The following KAZN variants were observed in gnomAD, a reference collection of about 807,000 sequenced individuals.
KAZN encodes kazrin.
Under a neutral mutation model 87.4 loss-of-function variants are expected in KAZN, and 40 were observed. That is an observed-to-expected ratio of 0.46 (90% CI 0.36 to 0.60). The LOEUF (loss-of-function observed/expected upper bound fraction) is 0.60, where lower values mean the gene tolerates loss of function less well. Ranked by LOEUF, KAZN falls within the 20% of genes least tolerant of loss-of-function variation. The pLI is 0.00. For missense variants in KAZN, 898 were observed against 1,073.9 expected, an observed-to-expected ratio of 0.84 and a Z score of 2.29; for synonymous variants, 466 against 458.3, an observed-to-expected ratio of 1.02 and a Z score of -0.22.
intron 1 of KAZN, among the ~76,000 whole-genome samples, chr1:14,671,555 T>A (rs1418423408): frequency 6.6e-6 from 1 of 152,188 alleles, no homozygotes; most frequent in Non-Finnish European, 1.5e-5. Flanking sequence ...GTCAAGGCTA[T>A]GAGATAGGCC....
intron 2 of KAZN, among the ~76,000 whole-genome samples, chr1:14,411,044 C>G (rs749369814): frequency 1.3e-5 from 2 of 152,122 alleles, no homozygotes; most frequent in Non-Finnish European, 1.5e-5. Flanking sequence ...GAATGAACAT[C>G]AAGTTACAGG....
intron 1 of KAZN, among the ~76,000 whole-genome samples, chr1:14,072,209 G>C (rs964089456): frequency 1.6e-4 from 24 of 152,072 alleles, no homozygotes; most frequent in Admixed American, 1.5e-3. Flanking sequence ...TTTTGCACAG[G>C]GCCTAGTGCG....
intron 2 of KAZN, among the ~76,000 whole-genome samples, chr1:14,208,959 C>G (rs547583316): frequency 6.6e-6 from 1 of 152,336 alleles, no homozygotes. Flanking sequence ...GAGTTAGGAA[C>G]TATGATGAGA....
chr1:14,845,687 T>C (rs1475651694), intron 1 of KAZN, among the ~76,000 whole-genome samples: 2 of 152,124 alleles, frequency 1.3e-5, no homozygotes, highest in Non-Finnish European at 2.9e-5. Flanking sequence ...CTGTGTTCCT[T>C]ATGGTGGTAA....
At chr1:14,227,969 T>A (rs1278135594) in intron 2 of KAZN, among the ~76,000 whole-genome samples, 1 of 152,214 alleles carries the variant, frequency 6.6e-6, no homozygotes, top group African/African-American at 2.4e-5. Flanking sequence ...CACTGCAGGA[T>A]GCTTAGCAAC....
chr1:14,514,241 C>T (rs1333504756), intron 2 of KAZN, among the ~76,000 whole-genome samples: 3 of 136,778 alleles, frequency 2.2e-5, no homozygotes, highest in African/African-American at 8.3e-5. Context: ...AGGAGAATGG[C>T]GTGAACCCGG....
At chr1:14,629,266 T>C (rs1679381207) in intron 1 of KAZN, among the ~76,000 whole-genome samples, 1 of 152,198 alleles carries the variant, frequency 6.6e-6, no homozygotes, top group Non-Finnish European at 1.5e-5. Context: ...TATTTGTTAG[T>C]GCCTGACATT....
At chr1:14,187,814 T>C (rs189996859) in intron 2 of KAZN, among the ~76,000 whole-genome samples, 81 of 152,344 alleles carry the variant, frequency 5.3e-4, no homozygotes, top group Middle Eastern at 3.4e-3. Flanking sequence ...TTTTTAATTA[T>C]TTATGGAACT....
intron 1 of KAZN, among the ~76,000 whole-genome samples, chr1:14,126,060 C>T (rs1322594162): frequency 6.6e-6 from 1 of 152,144 alleles, no homozygotes; most frequent in Non-Finnish European, 1.5e-5. Context: ...GTATTAAGCA[C>T]TGAGGGTTTC....
chr1:14,699,441 G>C (rs1423314984), intron 1 of KAZN, among the ~76,000 whole-genome samples: 1 of 152,222 alleles, frequency 6.6e-6, no homozygotes, highest in Non-Finnish European at 1.5e-5. Context: ...CCCGGCCTTA[G>C]GCTAGGCGCT....
chr1:14,566,820 C>G (rs1045422418), intron 2 of KAZN, among the ~76,000 whole-genome samples: 1 of 152,208 alleles, frequency 6.6e-6, no homozygotes, highest in Non-Finnish European at 1.5e-5. Flanking sequence ...CCCATCTCAG[C>G]CTTCATTGAA....
intron 4 of KAZN, among the ~76,000 whole-genome samples, chr1:15,046,448 G>A (rs886547163): frequency 2.5e-4 from 31 of 121,788 alleles, no homozygotes; most frequent in African/African-American, 4.7e-4. Context: ...TTGCTGTCTC[G>A]GGGTGACGGA....
intron 2 of KAZN, among the ~76,000 whole-genome samples, chr1:14,561,876 C>T (rs1183503832): frequency 6.6e-6 from 1 of 151,728 alleles, no homozygotes; most frequent in Non-Finnish European, 1.5e-5. Context: ...TGCACTCCAG[C>T]CTTCATGAAA....
intron 1 of KAZN, among the ~76,000 whole-genome samples, chr1:14,657,643 T>G (rs2148708831): frequency 6.6e-6 from 1 of 152,260 alleles, no homozygotes; most frequent in East Asian, 1.9e-4. Flanking sequence ...TGTGCAGTCC[T>G]GTCATGAAGA....
At chr1:14,704,413 G>A (rs1018281480) in intron 1 of KAZN, among the ~76,000 whole-genome samples, 5 of 152,196 alleles carry the variant, frequency 3.3e-5, no homozygotes, top group African/African-American at 1.2e-4. Flanking sequence ...CCAAAACCCA[G>A]CATTATCACA....
intron 2 of KAZN, among the ~76,000 whole-genome samples, chr1:14,312,723 A>T (rs563128408): frequency 6.6e-6 from 1 of 152,292 alleles, no homozygotes; most frequent in East Asian, 1.9e-4. Context: ...GTTACAGAAG[A>T]TGGTGACTTC....
intron 2 of KAZN, among the ~76,000 whole-genome samples, chr1:14,246,235 C>G (rs1571129152): frequency 6.6e-6 from 1 of 152,180 alleles, no homozygotes; most frequent in East Asian, 1.9e-4. Context: ...GGGCTTAATA[C>G]CTGGGTGATA....
Position 14,615,654 on chromosome 1 carries a change from G to T in KAZN, c.226+16431G>T, listed in dbSNP as rs1013244493. The stretch of plus-strand genomic sequence containing the variant: ...AAAAAAAAAAAAGAGGAGCAGAGGG[G>T]ACTTCTCACTTCCATGAGGGAAGTG... On this transcript the variant is annotated intron_variant, in intron 1 of 14. Transcript: ENST00000376030. 3.9e-5 allele frequency among the ~76,000 whole-genome samples: 6 copies of T among 152,066 alleles called. No homozygotes were observed. In the South Asian group the frequency reaches 1.2e-3, roughly 32 times the overall value.
At chr1:14,136,620 A>G (rs945546453) in intron 1 of KAZN, among the ~76,000 whole-genome samples, 1 of 92,748 alleles carries the variant, frequency 1.1e-5, no homozygotes, top group Non-Finnish European at 2.0e-5. Context: ...GCCCAGGTGC[A>G]CAGTACCCTG....
Sources: allele counts gnomAD v4.1 joint callset (sites outside exome capture counted in the v4.1 genomes callset), GRCh38; gene constraint gnomAD v4.1.1; transcripts MANE v1.5; gene names NCBI Gene and HGNC (gene_info 2026-07-23, HGNC 2026-07-21).